Variants in AUTS2 observed in about 807,000 individuals in gnomAD.
AUTS2 encodes autism susceptibility gene 2 protein.
Under a neutral mutation model 112.4 loss-of-function variants are expected in AUTS2, and 17 were observed. The ratio of observed to expected loss-of-function variants is 0.15; its 90% CI spans 0.10 to 0.23. The LOEUF (loss-of-function observed/expected upper bound fraction) is 0.23. Ranked by LOEUF, AUTS2 falls within the 10% of genes least tolerant of loss-of-function variation. The probability of loss-of-function intolerance (pLI) is 1.00; values close to 1 mark genes in which losing one functional copy is unlikely to be tolerated. For missense variants in AUTS2, 1,510 were observed against 1,701.6 expected (o/e 0.89, Z 1.98); for synonymous variants, 751 against 702.7 (o/e 1.07, Z -1.09).
chr7:69,706,456 G>A (rs188882113), intron 1 of AUTS2, among the ~76,000 whole-genome samples: 2 of 152,316 alleles, frequency 1.3e-5, no homozygotes, highest in East Asian at 3.9e-4. Flanking sequence ...AAGTAGCTCA[G>A]AGACTTGCTG....
At chr7:69,970,507 C>G (rs1313364773) in intron 2 of AUTS2, among the ~76,000 whole-genome samples, 2 of 152,182 alleles carry the variant, frequency 1.3e-5, no homozygotes, top group Non-Finnish European at 2.9e-5. Context: ...TCCAGCCAGT[C>G]ATCTTTGTTC....
intron 2 of AUTS2, among the ~76,000 whole-genome samples, chr7:70,024,549 C>G (rs1800427169): frequency 6.6e-6 from 1 of 151,932 alleles, no homozygotes; most frequent in South Asian, 2.1e-4. Flanking sequence ...CTCTTTATTT[C>G]TTTTTGTCAC....
intron 5 of AUTS2, among the ~76,000 whole-genome samples, chr7:70,615,809 G>A (rs890923523): frequency 2.6e-5 from 4 of 151,894 alleles, no homozygotes; most frequent in African/African-American, 4.8e-5. Flanking sequence ...GCTATGGTGC[G>A]ATCTTGGCTC....
intron 4 of AUTS2, among the ~76,000 whole-genome samples, chr7:70,244,605 G>A (rs1812800937): frequency 6.6e-6 from 1 of 152,156 alleles, no homozygotes; most frequent in African/African-American, 2.4e-5. Flanking sequence ...GAATGACTAA[G>A]GATCAGCAGG....
chr7:70,713,471 A>C (rs1810174240), intron 6 of AUTS2, among the ~76,000 whole-genome samples: 1 of 152,244 alleles, frequency 6.6e-6, no homozygotes, highest in African/African-American at 2.4e-5. Flanking sequence ...AAGAAGTTTA[A>C]GTAAGTTACC....
chr7:69,613,589 A>G (rs950178026), intron 1 of AUTS2, among the ~76,000 whole-genome samples: 3 of 152,218 alleles, frequency 2.0e-5, no homozygotes, highest in Non-Finnish European at 4.4e-5. Flanking sequence ...ACTGAATTCT[A>G]AAAGTAGCTC....
intron 5 of AUTS2, among the ~76,000 whole-genome samples, chr7:70,590,160 A>G (rs779170723): frequency 1.5e-4 from 18 of 120,140 alleles, no homozygotes; most frequent in South Asian, 4.9e-4. Context: ...GTATGTATGT[A>G]TATATATATA....
chr7:70,158,581 C>T (rs1305173151), intron 4 of AUTS2, among the ~76,000 whole-genome samples: 2 of 152,164 alleles, frequency 1.3e-5, no homozygotes, highest in African/African-American at 2.4e-5. Context: ...AGACCTGCCA[C>T]TCGCCTATGA....
At chr7:70,421,127 TAAA>T (rs1207547982) in intron 4 of AUTS2, among the ~76,000 whole-genome samples, 5 of 152,134 alleles carry the variant, frequency 3.3e-5, no homozygotes, top group Admixed American at 2.6e-4. Flanking sequence ...CACCGGAAAT[TAAA>T]AAAGAAAAAG....
chr7:70,548,181 G>C (rs1351456122), intron 5 of AUTS2, among the ~76,000 whole-genome samples: 1 of 152,108 alleles, frequency 6.6e-6, no homozygotes, highest in Admixed American at 6.5e-5. Context: ...CTGAATAAGG[G>C]TGTTGAGCAT....
At chr7:70,322,970 G>A (rs1443111471) in intron 4 of AUTS2, among the ~76,000 whole-genome samples, 1 of 152,150 alleles carries the variant, frequency 6.6e-6, no homozygotes, top group Non-Finnish European at 1.5e-5. Context: ...CCAAGCTCAG[G>A]CCCCAGATGG....
At chr7:69,919,008 G>A (rs932296446) in intron 2 of AUTS2, among the ~76,000 whole-genome samples, 1 of 152,176 alleles carries the variant, frequency 6.6e-6, no homozygotes, top group Non-Finnish European at 1.5e-5. Flanking sequence ...AAATACAGCT[G>A]TGGATGAAAA....
intron 5 of AUTS2, among the ~76,000 whole-genome samples, chr7:70,595,330 CACTCCGTTTCCT>C (rs1803142489): frequency 6.6e-6 from 1 of 152,104 alleles, no homozygotes; most frequent in Non-Finnish European, 1.5e-5. Context: ...TTTGCATGCC[CACTCCGTTTCCT>C]ACTAACTAGC....
intron 6 of AUTS2, among the ~76,000 whole-genome samples, chr7:70,700,583 C>G (rs1809395825): frequency 6.6e-6 from 1 of 151,936 alleles, no homozygotes; most frequent in Non-Finnish European, 1.5e-5. Flanking sequence ...CCTTTCCTCC[C>G]TGGGGAGAAA....
At chr7:70,681,523 ATAT>A (rs10532051) in intron 5 of AUTS2, among the ~76,000 whole-genome samples, 13,114 of 128,064 alleles carry the variant, frequency 0.1, 720 homozygotes, top group Admixed American at 0.14. Flanking sequence ...ATATATATAT[ATAT>A]TTTTTTTTTC....
At chr7:70,210,293 C>T (rs983307037) in intron 4 of AUTS2, among the ~76,000 whole-genome samples, 3 of 152,158 alleles carry the variant, frequency 2.0e-5, no homozygotes, top group Admixed American at 2.0e-4. Flanking sequence ...TAGAATAGTT[C>T]GTATTTTCGT....
chr7:69,815,413 A>G (rs1448879225), intron 1 of AUTS2, among the ~76,000 whole-genome samples: 1 of 152,170 alleles, frequency 6.6e-6, no homozygotes, highest in African/African-American at 2.4e-5. Flanking sequence ...GGAAACAACA[A>G]TCTTAAAGTT....
At chr7:70,614,397 T>G (rs1461679538) in intron 5 of AUTS2, among the ~76,000 whole-genome samples, 1 of 152,210 alleles carries the variant, frequency 6.6e-6, no homozygotes, top group African/African-American at 2.4e-5. Context: ...CACAGGCCCT[T>G]GAAATGAAGC....
intron 2 of AUTS2, among the ~76,000 whole-genome samples, chr7:70,016,964 G>C (rs941955618): frequency 6.6e-6 from 1 of 152,148 alleles, no homozygotes; most frequent in Non-Finnish European, 1.5e-5. Context: ...CACTGTGCCT[G>C]GCCTCCTTGA....
Sources: gnomAD v4.1 joint callset for allele counts (sites outside exome capture counted in the v4.1 genomes callset) on GRCh38, gnomAD v4.1.1 for gene constraint, MANE v1.5 for transcripts, NCBI Gene and HGNC (gene_info 2026-07-23, HGNC 2026-07-21) for gene names.